Variants in WFDC9 observed in about 807,000 individuals in gnomAD.
WFDC9 encodes WAP four-disulfide core domain 9.
Under a neutral mutation model 9.5 loss-of-function variants are expected in WFDC9, and 9 were observed. The observed-to-expected ratio is 0.95, with a 90% CI of 0.57 to 1.65. The LOEUF is 1.65. Among genes scored for constraint, WFDC9 ranks in the 40% most tolerant of loss-of-function variants. The pLI is 0.00. For missense variants in WFDC9, 87 were observed against 106.7 expected, an observed-to-expected ratio of 0.82 and a Z score of 0.81; for synonymous variants, 33 against 32.3, an observed-to-expected ratio of 1.02 and a Z score of -0.07.
intron 1 of WFDC9, among the ~76,000 whole-genome samples, chr20:45,624,021 G>A (rs529927279): frequency 1.4e-4 from 21 of 152,130 alleles, no homozygotes; most frequent in South Asian, 1.0e-3. Context: ...TGAAACACCC[G>A]TCTCTACTAA....
chr20:45,610,548 T>C (rs1044107920), intron 2 of WFDC9, among the ~76,000 whole-genome samples: 1 of 152,238 alleles, frequency 6.6e-6, no homozygotes, highest in African/African-American at 2.4e-5. Flanking sequence ...CATCTAGAGA[T>C]AATCAATATA....
intron 1 of WFDC9, chr20:45,630,040 G>A (rs1982319508): frequency 7.8e-7 from 1 of 1,274,406 alleles, no homozygotes; most frequent in East Asian, 2.6e-5. Flanking sequence ...TGTAGACTCT[G>A]GACTGTCCCT....
intron 3 of WFDC9, 47 bp from the exon 4 acceptor site, chr20:45,608,857 A>C (rs1414478381): frequency 6.4e-7 from 1 of 1,554,488 alleles, no homozygotes; most frequent in Non-Finnish European, 8.7e-7. Context: ...CAACTCAGAC[A>C]AGAAACCTTT....
intron 2 of WFDC9, among the ~76,000 whole-genome samples, chr20:45,614,057 C>G (rs1183105297): frequency 2.0e-5 from 3 of 152,176 alleles, no homozygotes; most frequent in African/African-American, 7.2e-5. Flanking sequence ...AAATACCACC[C>G]TAGACCCAAG....
At chr20:45,620,583 C>T (rs1230441523) in intron 1 of WFDC9, among the ~76,000 whole-genome samples, 1 of 152,122 alleles carries the variant, frequency 6.6e-6, no homozygotes, top group African/African-American at 2.4e-5. Context: ...TAGAGTGATA[C>T]TCTGTCTCAA....
At chr20:45,624,692 T>C (rs1437579599) in intron 1 of WFDC9, among the ~76,000 whole-genome samples, 1 of 152,222 alleles carries the variant, frequency 6.6e-6, no homozygotes, top group Admixed American at 6.5e-5. Context: ...CAACAGTGTA[T>C]AACAGTTCCC....
intron 1 of WFDC9, among the ~76,000 whole-genome samples, chr20:45,625,576 T>A (rs1982198579): frequency 6.6e-6 from 1 of 152,154 alleles, no homozygotes. Flanking sequence ...TGTGTTTTCT[T>A]CTAGTAGTTT....
chr20:45,625,241 C>T lies in WFDC9; in HGVS notation c.-153+5962G>A, dbSNP rs190699771. Among the ~76,000 whole-genome samples the T allele has an allele frequency of 2.1e-3, 315 of 152,248 alleles. 1 individual carries two copies. The highest frequency in any genetic ancestry group is 0.014 in the South Asian group (66 of 4,818). On this transcript the variant is annotated intron_variant, in intron 1 of 4. Transcript: ENST00000326000. ...CAATCATATCTCATGACAACTCCCT[C>T]GCTATCATAAGAACAGCATGGGGGA...
chr20:45,608,872 A>C, intron 3 of WFDC9, 62 bp from the exon 4 acceptor site: 3 of 1,516,574 alleles, frequency 2.0e-6, no homozygotes, highest in Non-Finnish European at 2.6e-6. Context: ...ACCTTTTCTA[A>C]GCTTAACAAT....
intron 2 of WFDC9, among the ~76,000 whole-genome samples, chr20:45,614,100 C>G (rs374612553): frequency 6.6e-6 from 1 of 152,210 alleles, no homozygotes; most frequent in Non-Finnish European, 1.5e-5. Flanking sequence ...TTCATTCACA[C>G]GGCCTCATTC....
chr20:45,621,488 C>A (rs1408752361), intron 1 of WFDC9, among the ~76,000 whole-genome samples: 1 of 152,202 alleles, frequency 6.6e-6, no homozygotes, highest in African/African-American at 2.4e-5. Context: ...TGGTTGGCAT[C>A]CATAAGCCTG....
intron 1 of WFDC9, among the ~76,000 whole-genome samples, chr20:45,630,238 G>A (rs1316506218): frequency 1.6e-5 from 1 of 63,934 alleles, no homozygotes; most frequent in South Asian, 6.0e-4. Flanking sequence ...ATGCACATTT[G>A]TGAGGAGTAA....
chr20:45,628,642 C>T (rs557363937), intron 1 of WFDC9, among the ~76,000 whole-genome samples: 2 of 152,192 alleles, frequency 1.3e-5, no homozygotes, highest in South Asian at 4.1e-4. Context: ...GTACAAATAT[C>T]AGAATTTTTG....
chr20:45,629,763 G>A, intron 1 of WFDC9: 1 of 1,590,718 alleles, frequency 6.3e-7, no homozygotes, highest in Non-Finnish European at 8.6e-7. Context: ...GCTCTGCAGG[G>A]AAGTCTGTGA....
At chr20:45,618,906 T>TA (rs1258157243) in intron 1 of WFDC9, among the ~76,000 whole-genome samples, 1 of 152,164 alleles carries the variant, frequency 6.6e-6, no homozygotes. Context: ...CTTCAATTTG[T>TA]AAAACATGCA....
At chr20:45,620,606 G>A (rs1009233296) in intron 1 of WFDC9, among the ~76,000 whole-genome samples, 2 of 152,050 alleles carry the variant, frequency 1.3e-5, no homozygotes, top group African/African-American at 4.8e-5. Context: ...AAAAAAAACT[G>A]CTCAATCTAC....
At chr20:45,610,054 C>A in intron 3 of WFDC9, 37 bp downstream of exon 3, 1 of 1,575,586 alleles carries the variant, frequency 6.3e-7, no homozygotes, top group South Asian at 1.1e-5. Context: ...CATCCCAGGA[C>A]TGGGCAGAGC....
At chr20:45,616,922 C>T (rs763197462) in intron 1 of WFDC9, among the ~76,000 whole-genome samples, 15 of 152,248 alleles carry the variant, frequency 9.9e-5, no homozygotes, top group Non-Finnish European at 1.9e-4. Context: ...TGAGCTTTGG[C>T]TCATTATTAC....
At chr20:45,618,116 T>C (rs1455302937) in intron 1 of WFDC9, among the ~76,000 whole-genome samples, 1 of 152,208 alleles carries the variant, frequency 6.6e-6, no homozygotes, top group Non-Finnish European at 1.5e-5. Context: ...CATTGCCCTT[T>C]TGTGTTTTAG....
Sources: allele counts gnomAD v4.1 joint callset (sites outside exome capture counted in the v4.1 genomes callset), GRCh38; gene constraint gnomAD v4.1.1; transcripts MANE v1.5; gene names NCBI Gene and HGNC (gene_info 2026-07-23, HGNC 2026-07-21).